The following ATP10B variants were observed in gnomAD, a reference collection of about 807,000 sequenced individuals.
The protein encoded by ATP10B is ATPase phospholipid transporting 10B (putative), also known as phospholipid-transporting ATPase VB.
ATP10B carries 122 observed loss-of-function variants against 141.2 expected under a neutral mutation model. The observed-to-expected ratio is 0.86, with a 90% CI of 0.75 to 1.00. ATP10B has a LOEUF of 1.00. Ranked by LOEUF, ATP10B falls within the 50% of genes least tolerant of loss-of-function variation. The probability of loss-of-function intolerance (pLI) is 0.00; values close to 1 mark genes in which losing one functional copy is unlikely to be tolerated. For missense variants in ATP10B, 1,876 were observed against 1,825.3 expected, an observed-to-expected ratio of 1.03 and a Z score of -0.51; for synonymous variants, 685 against 692.0, an observed-to-expected ratio of 0.99 and a Z score of 0.16.
upstream of ATP10B, among the ~76,000 whole-genome samples, chr5:160,853,921 A>G (rs1026065276): frequency 2.0e-5 from 3 of 152,148 alleles, no homozygotes; most frequent in African/African-American, 7.2e-5. Flanking sequence ...CCAGCAGGCA[A>G]TCTTTCTACA....
At chr5:160,733,110 T>G (rs1766853787) in intron 2 of ATP10B, among the ~76,000 whole-genome samples, 2 of 152,230 alleles carry the variant, frequency 1.3e-5, no homozygotes, top group African/African-American at 4.8e-5. Context: ...TTTCATGTTT[T>G]TGTATCTTCT....
chr5:160,629,129 G>T (rs1274615938), intron 13 of ATP10B, among the ~76,000 whole-genome samples: 2 of 151,952 alleles, frequency 1.3e-5, no homozygotes, highest in Non-Finnish European at 2.9e-5. Flanking sequence ...TCCAAGAGAT[G>T]ATCAGAACAG....
chr5:160,897,145 C>T, the ATP10B span, among the ~76,000 whole-genome samples: 1 of 152,128 alleles, frequency 6.6e-6, no homozygotes. Flanking sequence ...GATGATAATG[C>T]CCTTTCTCAC....
Position 160,755,544 on chromosome 5 carries a change from G to A in ATP10B, c.-331+30015C>T, listed in dbSNP as rs1030509134. ...AAAATATATATTATAGTCCGGGCGC[G>A]GTGGCTCACGCCTGTAATCCCAGCA... On this transcript the variant is annotated intron_variant, in intron 2 of 25. Transcript: ENST00000327245. Among the ~76,000 whole-genome samples, 8 of 150,762 alleles carry A rather than the reference G, an allele frequency of 5.3e-5. No individual in the cohort carries two copies. The East Asian group carries it at 9.7e-4, about 18-fold the overall frequency.
intron 15 of ATP10B, 133 bp from the exon 16 acceptor site, chr5:160,618,106 AC>A: frequency 1.4e-6 from 1 of 719,600 alleles, no homozygotes; most frequent in South Asian, 1.7e-5. Context: ...CACCTTAGAA[AC>A]CTGAAGGAGC....
the ATP10B span, among the ~76,000 whole-genome samples, chr5:160,872,542 A>G: frequency 2.6e-5 from 4 of 152,232 alleles, no homozygotes; most frequent in Admixed American, 6.5e-5. Context: ...TACATCTTGA[A>G]TTGATTTTTG....
chr5:160,788,933 C>T (rs950136481), intron 1 of ATP10B, among the ~76,000 whole-genome samples: 1 of 152,136 alleles, frequency 6.6e-6, no homozygotes, highest in African/African-American at 2.4e-5. Context: ...CTGTGCTAGG[C>T]ATCGGTATGT....
At chr5:160,653,161 TATA>T (rs577056127) in intron 7 of ATP10B, among the ~76,000 whole-genome samples, 1,418 of 130,336 alleles carry the variant, frequency 0.011, 38 homozygotes, top group African/African-American at 0.041. Context: ...AAATACATAA[TATA>T]TATTATATAT....
intron 22 of ATP10B, among the ~76,000 whole-genome samples, chr5:160,595,442 A>T (rs1182944239): frequency 2.6e-5 from 4 of 151,912 alleles, no homozygotes; most frequent in Non-Finnish European, 5.9e-5. Flanking sequence ...GAAAGCAGGA[A>T]AGATCTAAAA....
Position 160,777,733 on chromosome 5 carries a change from C to T in ATP10B, c.-331+7826G>A, listed in dbSNP as rs116344632. Among the ~76,000 whole-genome samples, 1,308 of 152,084 alleles carry T rather than the reference C, an allele frequency of 8.6e-3. 16 individuals carry two copies. The highest frequency in any genetic ancestry group is 0.026 in the African/African-American group (1,083 of 41,486). Reference sequence around the variant, plus strand: ...CCACCAGTGAAAGCCAAGTATTTTTCGAAACAATTCTCTAGAGGATATACT... The same window carrying T: ...CCACCAGTGAAAGCCAAGTATTTTTTGAAACAATTCTCTAGAGGATATACT... On this transcript the variant is annotated intron_variant, in intron 2 of 25. Transcript: ENST00000327245.
chr5:160,739,601 G>A (rs1039798000), intron 2 of ATP10B, among the ~76,000 whole-genome samples: 3 of 152,076 alleles, frequency 2.0e-5, no homozygotes, highest in Non-Finnish European at 4.4e-5. Context: ...TGCAAGGTCC[G>A]TGCACTAACA....
At position 160,800,605 on chromosome 5, in the gene ATP10B, C is replaced by T. The variant is rs374206308; in HGVS notation, c.-575-14802G>A. Among the ~76,000 whole-genome samples, 8 of 152,290 alleles carry T rather than the reference C, an allele frequency of 5.3e-5. No homozygotes were observed. In the South Asian group the frequency reaches 1.5e-3, roughly 28 times the overall value. ...TGCATGCTGAATAAATATTTGCAGA[C>T]TGATAAATTATAGGCAGTATATTCT... On this transcript the variant is annotated intron_variant, in intron 1 of 25. Transcript: ENST00000327245.
chr5:160,875,278 C>A, the ATP10B span, among the ~76,000 whole-genome samples: 1 of 68,470 alleles, frequency 1.5e-5, no homozygotes, highest in South Asian at 4.9e-4. Context: ...CATATCCAGC[C>A]AAACTAAGCT....
rs116595853 is a variant in ATP10B, at chr5:160,839,909, C to T, written c.-576+12032G>A. Among the ~76,000 whole-genome samples, 915 of 152,112 alleles carry T rather than the reference C, an allele frequency of 6.0e-3. 13 individuals are homozygous for T. The highest frequency in any genetic ancestry group is 0.021 in the African/African-American group (871 of 41,532). On this transcript the variant is annotated intron_variant, in intron 1 of 25. Coordinates refer to ENST00000327245, the MANE Select transcript of ATP10B (RefSeq NM_025153.3). ...AGATATTTTATAATGCTAAAAACCA[C>T]ATTATAGAATGAAGCTATAACAAAA...
intron 1 of ATP10B, among the ~76,000 whole-genome samples, chr5:160,837,632 T>C (rs1420735772): frequency 6.6e-6 from 1 of 151,574 alleles, no homozygotes; most frequent in African/African-American, 2.4e-5. Context: ...TTGTTGTAGT[T>C]CTCTCTGAAG....
intron 1 of ATP10B, among the ~76,000 whole-genome samples, chr5:160,825,135 T>G (rs1479397562): frequency 6.6e-6 from 1 of 152,176 alleles, no homozygotes. Flanking sequence ...TGTGAGCTGT[T>G]TGAGGTCAGA....
chr5:160,625,825 T>G (rs762259213), intron 13 of ATP10B, among the ~76,000 whole-genome samples: 1 of 152,240 alleles, frequency 6.6e-6, no homozygotes, highest in Admixed American at 6.5e-5. Flanking sequence ...ACTGACTCCT[T>G]TCTAGGATAC....
chr5:160,786,218 T>C (rs908639255), intron 1 of ATP10B, among the ~76,000 whole-genome samples: 2 of 152,180 alleles, frequency 1.3e-5, no homozygotes, highest in African/African-American at 4.8e-5. Context: ...TTCTACTGTA[T>C]TTGCAATGAT....
intron 1 of ATP10B, among the ~76,000 whole-genome samples, chr5:160,811,941 G>T (rs1773180636): frequency 6.6e-6 from 1 of 152,034 alleles, no homozygotes; most frequent in Admixed American, 6.5e-5. Flanking sequence ...CTCAGTGGTG[G>T]TGGCCACAGG....
Sources: gnomAD v4.1 joint callset for allele counts (sites outside exome capture counted in the v4.1 genomes callset) on GRCh38, gnomAD v4.1.1 for gene constraint, MANE v1.5 for transcripts, NCBI Gene and HGNC (gene_info 2026-07-23, HGNC 2026-07-21) for gene names.